The following KCNIP2 variants were observed in gnomAD, a reference collection of about 807,000 sequenced individuals.
KCNIP2 encodes potassium voltage-gated channel interacting protein 2, also known as A-type potassium channel modulatory protein KCNIP2.
A neutral mutation model predicts 39.0 loss-of-function variants in KCNIP2; 19 were observed. The ratio of observed to expected loss-of-function variants is 0.49; its 90% CI spans 0.34 to 0.71. KCNIP2 has a LOEUF of 0.71. Among genes scored for constraint, KCNIP2 ranks in the 30% least tolerant of loss-of-function variants. KCNIP2 has a pLI of 0.01. For missense variants in KCNIP2, 261 were observed against 346.0 expected, an observed-to-expected ratio of 0.75 and a Z score of 1.95; for synonymous variants, 111 against 131.2, an observed-to-expected ratio of 0.85 and a Z score of 1.05.
At chr10:101,840,944 C>T (rs566200780) in intron 1 of KCNIP2, among the ~76,000 whole-genome samples, 1 of 152,218 alleles carries the variant, frequency 6.6e-6, no homozygotes, top group Admixed American at 6.5e-5. Context: ...GGCTCCAACC[C>T]TCTCCGCATC....
At chr10:101,829,457 C>G (rs1266365264) in intron 3 of KCNIP2, 2 of 501,182 alleles carry the variant, frequency 4.0e-6, no homozygotes, top group Admixed American at 7.8e-5. Flanking sequence ...CCGCGGCCCT[C>G]GATCCCTCGT....
chr10:101,830,714 C>A (rs2065949960), intron 2 of KCNIP2, among the ~76,000 whole-genome samples: 1 of 151,090 alleles, frequency 6.6e-6, no homozygotes, highest in African/African-American at 2.4e-5. Flanking sequence ...CACACACGCA[C>A]GCAGGCCTGG....
chr10:101,839,233 C>T (rs1439304416), intron 1 of KCNIP2, among the ~76,000 whole-genome samples: 2 of 152,190 alleles, frequency 1.3e-5, no homozygotes, highest in Non-Finnish European at 2.9e-5. Context: ...AAAACAGAGA[C>T]ATACAATCCT....
At chr10:101,837,197 T>C (rs554007515) in intron 1 of KCNIP2, among the ~76,000 whole-genome samples, 1 of 152,220 alleles carries the variant, frequency 6.6e-6, no homozygotes, top group African/African-American at 2.4e-5. Flanking sequence ...TTAGTCCTCA[T>C]AATAAACCTG....
At position 101,838,311 on chromosome 10, in the gene KCNIP2, T is replaced by A. The variant is rs2066223880; in HGVS notation, c.73+5185A>T. 6.6e-6 allele frequency among the ~76,000 whole-genome samples: 1 copy of A among 152,178 alleles called. No individual in the cohort carries two copies. The highest frequency in any genetic ancestry group is 6.5e-5 in the Admixed American group (1 of 15,284). On this transcript the variant is annotated intron_variant, in intron 1 of 9. Coordinates refer to ENST00000356640, the MANE Select transcript of KCNIP2 (RefSeq NM_173191.3). The surrounding 1 kb of genome is among the most constrained non-coding windows in gnomAD (Gnocchi z 4.0). Reference sequence around the variant, plus strand: ...CCCTCAAATCTTACCACAGAGATATTCCTATCATTTATTTATTTATCTCCC... The same window carrying A: ...CCCTCAAATCTTACCACAGAGATATACCTATCATTTATTTATTTATCTCCC...
At position 101,829,188 on chromosome 10, in the gene KCNIP2, C is replaced by A. The variant is rs778040255; in HGVS notation, c.235G>T (p.Asp79Tyr). ...PRLLDPDSVD[D>Y]EFELSTVCHR... is the part of the protein sequence containing the mutation. ...CACACGGTGGACAATTCAAATTCAT[C>A]GTCCACGCTGTCTGCGGGAGCGGTG... The change falls in exon 4 of 10, where the codon GAT becomes TAT. Residue 79 changes from aspartate (D) to tyrosine (Y), a missense_variant. Physicochemically the swap from Asp to Tyr is radical, Grantham distance 160 (BLOSUM62 -3). Coordinates refer to ENST00000356640, the MANE Select transcript of KCNIP2 (RefSeq NM_173191.3). The A allele has an allele frequency of 1.9e-6, 3 of 1,613,294 alleles. No homozygotes were observed. Among genetic ancestry groups the A allele is most frequent in the Non-Finnish European group, 2.5e-6 (3 of 1,179,618 alleles).
chr10:101,835,688 G>A (rs1421991887), intron 1 of KCNIP2, among the ~76,000 whole-genome samples: 1 of 151,942 alleles, frequency 6.6e-6, no homozygotes, highest in Non-Finnish European at 1.5e-5. Context: ...AAGGGGTGGG[G>A]AGAGGCCTAC....
chr10:101,842,029 G>A (rs1240112627), intron 1 of KCNIP2, among the ~76,000 whole-genome samples: 1 of 152,184 alleles, frequency 6.6e-6, no homozygotes, highest in East Asian at 1.9e-4. Flanking sequence ...CCTCCCTAGG[G>A]ACAGTGATGG....
chr10:101,828,067 T>G lies in KCNIP2; in HGVS notation c.598-74A>C, dbSNP rs2065806573. On this transcript the variant is annotated intron_variant, in intron 7 of 9. Transcript: ENST00000356640. The surrounding 1 kb of genome is among the most constrained non-coding windows in gnomAD (Gnocchi z 6.6). ...CCTTGATCCCTTGCTTGTGGGCATA[T>G]GTGGGTCATATTTCCCTCCCATCAC... The G allele has an allele frequency of 6.5e-7, 1 of 1,541,860 alleles. No individual in the cohort carries two copies. Among genetic ancestry groups the G allele is most frequent in the African/African-American group, 1.4e-5 (1 of 73,472 alleles).
At chr10:101,836,926 A>G (rs2066179438) in intron 1 of KCNIP2, among the ~76,000 whole-genome samples, 1 of 151,668 alleles carries the variant, frequency 6.6e-6, no homozygotes, top group South Asian at 2.1e-4. Flanking sequence ...ACGCCACTGC[A>G]CTCCAGCCTG....
At chr10:101,831,307 G>C (rs2065984731) in intron 1 of KCNIP2, 140 bp from the exon 2 acceptor site, 1 of 682,384 alleles carries the variant, frequency 1.5e-6, no homozygotes, top group Non-Finnish European at 2.5e-6. Context: ...GGAATGGCAA[G>C]GGTGGTTGGA....
chr10:101,839,505 A>G (rs1414641672), intron 1 of KCNIP2, among the ~76,000 whole-genome samples: 1 of 151,604 alleles, frequency 6.6e-6, no homozygotes, highest in Admixed American at 6.6e-5. Flanking sequence ...CCCCTCCACC[A>G]TTGTGAGGGA....
At chr10:101,830,966 G>C in intron 2 of KCNIP2, 106 bp downstream of exon 2, 1 of 1,015,252 alleles carries the variant, frequency 9.8e-7, no homozygotes, top group Non-Finnish European at 1.5e-6. Context: ...TGCAGGCCTG[G>C]AGCATGCGCA....
chr10:101,831,184 CCCCAG>C lies in KCNIP2; in HGVS notation c.74-22_74-18del. Reference sequence around the variant, plus strand: ...GAGGGTGGCCTGGGAAGAGAGAAGACCCCAGGAAGGCACATTAACTCCCATTGTCC... The same window carrying C: ...GAGGGTGGCCTGGGAAGAGAGAAGACGAAGGCACATTAACTCCCATTGTCC... On this transcript the variant is annotated intron_variant, in intron 1 of 9. Coordinates refer to ENST00000356640, the MANE Select transcript of KCNIP2 (RefSeq NM_173191.3). 6.4e-7 allele frequency: 1 copy of C among 1,564,908 alleles called. No individual in the cohort carries two copies. Among genetic ancestry groups the C allele is most frequent in the Non-Finnish European group, 8.7e-7 (1 of 1,149,620 alleles).
At chr10:101,839,754 TG>T in intron 1 of KCNIP2, 1 of 1,612,704 alleles carries the variant, frequency 6.2e-7, no homozygotes, top group East Asian at 2.2e-5. Context: ...TCATCATACC[TG>T]GGGACAGCGA....
At position 101,838,382 on chromosome 10, in the gene KCNIP2, A is replaced by G. The variant is rs1465334140; in HGVS notation, c.73+5114T>C. Among the ~76,000 whole-genome samples the G allele has an allele frequency of 6.6e-6, 1 of 151,988 alleles. No individual in the cohort carries two copies. The highest frequency in any genetic ancestry group is 2.4e-5 in the African/African-American group (1 of 41,370). ...ACTGCCTTGTGGGGGAACCCACTCT[A>G]TGCAACTGTCCCACCTTCCCCAGTT... is the stretch of plus-strand genomic sequence containing the variant. On this transcript the variant is annotated intron_variant, in intron 1 of 9. Coordinates refer to ENST00000356640, the MANE Select transcript of KCNIP2 (RefSeq NM_173191.3). The surrounding 1 kb of genome is among the most constrained non-coding windows in gnomAD (Gnocchi z 4.0).
At position 101,828,974 on chromosome 10, in the gene KCNIP2, C is replaced by T; in HGVS notation, c.348+101G>A. 1 of 1,549,488 alleles carries T rather than the reference C, an allele frequency of 6.5e-7. No individual in the cohort carries two copies. On this transcript the variant is annotated intron_variant, in intron 4 of 9. Transcript: ENST00000356640. The surrounding 1 kb of genome is among the most constrained non-coding windows in gnomAD (Gnocchi z 6.6). The stretch of plus-strand genomic sequence containing the variant: ...GTCTCAGGGCCTTGCCTCCCTTCCG[C>T]CCACACCTCAAGCATCCAAGCCATG...
chr10:101,839,840 T>A (rs200624141), intron 1 of KCNIP2: 94 of 1,600,984 alleles, frequency 5.9e-5, no homozygotes, highest in Middle Eastern at 3.3e-4. Flanking sequence ...CATCGGTTCA[T>A]GGTTTGGCGG....
Position 101,843,078 on chromosome 10 carries a change from T to G in KCNIP2, c.73+418A>C, listed in dbSNP as rs931437995. On this transcript the variant is annotated intron_variant, in intron 1 of 9. Transcript: ENST00000356640. This position sits in a 1 kb window ranked among gnomAD's most constrained non-coding sequence, Gnocchi z 6.7. ...AGTACAACCAGGGTCCTACGCAAAC[T>G]CAAACATCTGACGAGACCATACAAT... is the stretch of plus-strand genomic sequence containing the variant. Among the ~76,000 whole-genome samples, 4 of 152,070 alleles carry G rather than the reference T, an allele frequency of 2.6e-5. No homozygotes were observed. The highest frequency in any genetic ancestry group is 6.5e-5 in the Admixed American group (1 of 15,274).
Sources: allele counts gnomAD v4.1 joint callset (sites outside exome capture counted in the v4.1 genomes callset), GRCh38; gene constraint gnomAD v4.1.1; non-coding constraint Gnocchi (gnomAD v3.1); transcripts MANE v1.5; gene names NCBI Gene and HGNC (gene_info 2026-07-23, HGNC 2026-07-21).